Variants in SPECC1 observed in about 807,000 individuals in gnomAD.
SPECC1 encodes the protein sperm antigen with calponin homology and coiled-coil domains 1.
SPECC1 carries 62 observed loss-of-function variants against 104.1 expected under a neutral mutation model. The ratio of observed to expected loss-of-function variants is 0.60; its 90% CI spans 0.49 to 0.74. The LOEUF (loss-of-function observed/expected upper bound fraction) is 0.74. Ranked by LOEUF, SPECC1 falls within the 30% of genes least tolerant of loss-of-function variation. The probability of loss-of-function intolerance (pLI) is 0.00; values close to 1 mark genes in which losing one functional copy is unlikely to be tolerated. For missense variants in SPECC1, 1,306 were observed against 1,310.5 expected (o/e 1.00, Z 0.05); for synonymous variants, 513 against 501.6 (o/e 1.02, Z -0.30).
At chr17:20,024,281 T>A (rs967958583) in intron 1 of SPECC1, among the ~76,000 whole-genome samples, 1 of 152,244 alleles carries the variant, frequency 6.6e-6, no homozygotes, top group Non-Finnish European at 1.5e-5. Context: ...ACTTTTTAAT[T>A]TCTCTGGCAA....
At chr17:20,057,365 C>T (rs1468413152) in intron 1 of SPECC1, among the ~76,000 whole-genome samples, 1 of 151,988 alleles carries the variant, frequency 6.6e-6, no homozygotes, top group Non-Finnish European at 1.5e-5. Flanking sequence ...GGCGTGAACC[C>T]GGGAGGCAGA....
chr17:20,182,691 A>G (rs748144675), intron 3 of SPECC1, among the ~76,000 whole-genome samples: 2 of 152,238 alleles, frequency 1.3e-5, no homozygotes, highest in Non-Finnish European at 2.9e-5. Context: ...AACATTTTCA[A>G]TGACAGCGTA....
chr17:20,125,768 A>G (rs927810978), intron 3 of SPECC1, among the ~76,000 whole-genome samples: 15 of 152,230 alleles, frequency 9.9e-5, no homozygotes, highest in Admixed American at 8.5e-4. Flanking sequence ...TATCCATCAT[A>G]CATGGATGGA....
At chr17:20,118,028 C>T (rs1209775701) in intron 3 of SPECC1, among the ~76,000 whole-genome samples, 1 of 151,980 alleles carries the variant, frequency 6.6e-6, no homozygotes, top group South Asian at 2.1e-4. Flanking sequence ...TCACTTGAAC[C>T]TGGGAAGTGA....
At position 20,315,550 on chromosome 17, in the gene SPECC1, C is replaced by T. The variant is rs1339999569; in HGVS notation, c.*1485C>T. 2 of 232,866 alleles carry T rather than the reference C, an allele frequency of 8.6e-6. No homozygotes were observed. The highest frequency in any genetic ancestry group is 1.1e-4 in the Admixed American group (2 of 17,762). The allele number at this position is 232,866 out of a possible 1,614,324, so 14.4% of individuals were successfully genotyped here. On this transcript the variant is annotated 3_prime_UTR_variant, in exon 15 of 15. Coordinates refer to ENST00000395527, the MANE Select transcript of SPECC1 (RefSeq NM_001243439.2). Reference sequence around the variant, plus strand: ...GCCAAATAGCGTGTTAGCGCCCCTCCAACAAAGGATCATCCTTCCAGTGAG... The same window carrying T: ...GCCAAATAGCGTGTTAGCGCCCCTCTAACAAAGGATCATCCTTCCAGTGAG...
intron 7 of SPECC1, chr17:20,238,097 G>A (rs779246214): frequency 1.1e-4 from 118 of 1,026,988 alleles, no homozygotes; most frequent in Non-Finnish European, 1.4e-4. Context: ...TCATTACCTC[G>A]TCTGAAACAA....
At chr17:20,141,039 G>A (rs893723223) in intron 3 of SPECC1, among the ~76,000 whole-genome samples, 3 of 152,152 alleles carry the variant, frequency 2.0e-5, no homozygotes, top group African/African-American at 7.2e-5. Context: ...GGCTGTGCAT[G>A]TCCAAGCCAA....
chr17:20,161,143 G>A (rs1282154323), intron 3 of SPECC1, among the ~76,000 whole-genome samples: 2 of 152,194 alleles, frequency 1.3e-5, no homozygotes, highest in East Asian at 1.9e-4. Flanking sequence ...CCCGGGAGGC[G>A]GAGGTTGCAG....
intron 3 of SPECC1, chr17:20,155,858 A>C (rs1318927290): frequency 3.0e-6 from 3 of 1,005,616 alleles, no homozygotes; most frequent in Non-Finnish European, 3.7e-6. Context: ...TCTGGCAGCC[A>C]AGAAGGAAAT....
At chr17:20,267,959 C>T (rs1056413975) in intron 12 of SPECC1, among the ~76,000 whole-genome samples, 6 of 152,154 alleles carry the variant, frequency 3.9e-5, no homozygotes, top group Admixed American at 6.5e-5. Flanking sequence ...TAAGTCTCTC[C>T]TGAGTCCTCT....
chr17:20,055,618 T>A (rs2045932924), intron 1 of SPECC1, among the ~76,000 whole-genome samples: 1 of 152,112 alleles, frequency 6.6e-6, no homozygotes, highest in African/African-American at 2.4e-5. Flanking sequence ...ATTAGCAGAG[T>A]CAGAATATAA....
chr17:20,046,032 A>G (rs1459140519), intron 1 of SPECC1, among the ~76,000 whole-genome samples: 1 of 150,944 alleles, frequency 6.6e-6, no homozygotes, highest in Non-Finnish European at 1.5e-5. Context: ...AAAAACCATT[A>G]GCATAGTAAT....
At position 20,204,318 on chromosome 17, in the gene SPECC1, T is replaced by C; in HGVS notation, c.284-15T>C. On this transcript the variant is annotated splice_polypyrimidine_tract_variant and intron_variant, in intron 3 of 14. Coordinates refer to ENST00000395527, the MANE Select transcript of SPECC1 (RefSeq NM_001243439.2). Reference sequence around the variant, plus strand: ...TTGCTTTATTTTTTCATTTTTTTCTTCTTCTGTCTTTAAGGGGCCTTTACA... The same window carrying C: ...TTGCTTTATTTTTTCATTTTTTTCTCCTTCTGTCTTTAAGGGGCCTTTACA... 1 of 1,582,950 alleles carries C rather than the reference T, an allele frequency of 6.3e-7. No homozygotes were observed. The highest frequency in any genetic ancestry group is 1.9e-5 in the Admixed American group (1 of 51,590).
In SPECC1 at chr17:20,222,016, G is replaced by GTT. The variant is rs34220423; in HGVS notation, c.1864-5381_1864-5380dup. Among the ~76,000 whole-genome samples, 1,085 of 140,438 alleles carry GTT rather than the reference G, an allele frequency of 7.7e-3. 5 individuals carry two copies. The highest frequency in any genetic ancestry group is 0.018 in the African/African-American group (688 of 38,186). The allele number at this position is 140,438 out of a possible 152,430, so 92.1% of individuals were successfully genotyped here. A position where few individuals can be genotyped will look rare whatever the true frequency, so the allele number is the denominator to read the frequency against. ...AGAGAAGATACCTGATATGATTTCAGTTTTTTTTTTTTTTTTTAAGTTTTA... is the reference window on the plus strand; with the variant it reads ...AGAGAAGATACCTGATATGATTTCAGTTTTTTTTTTTTTTTTTTTAAGTTTTA... On this transcript the variant is annotated intron_variant, in intron 4 of 14. Transcript: ENST00000395527.
chr17:20,137,922 C>T (rs992994510), intron 3 of SPECC1, among the ~76,000 whole-genome samples: 1 of 152,014 alleles, frequency 6.6e-6, no homozygotes, highest in Non-Finnish European at 1.5e-5. Context: ...CCTTCCACCT[C>T]CCAAAGTACT....
At chr17:20,095,065 G>T (rs180751589) in intron 1 of SPECC1, among the ~76,000 whole-genome samples, 1 of 152,114 alleles carries the variant, frequency 6.6e-6, no homozygotes, top group African/African-American at 2.4e-5. Context: ...GAGTCACTCC[G>T]GCTCTGTTCA....
chr17:20,044,998 A>G (rs2045482353), intron 1 of SPECC1, among the ~76,000 whole-genome samples: 1 of 152,272 alleles, frequency 6.6e-6, no homozygotes, highest in African/African-American at 2.4e-5. Flanking sequence ...CATGAAGTTT[A>G]AAGAAATGCT....
chr17:20,037,171 A>G (rs1000877537), intron 1 of SPECC1, among the ~76,000 whole-genome samples: 1 of 152,170 alleles, frequency 6.6e-6, no homozygotes, highest in Admixed American at 6.5e-5. Flanking sequence ...ATCATGGTGT[A>G]TAATTATTTT....
intron 3 of SPECC1, among the ~76,000 whole-genome samples, chr17:20,196,549 A>G (rs2036046964): frequency 6.6e-6 from 1 of 152,226 alleles, no homozygotes. Context: ...TTTTCTTTCA[A>G]AAATCCTTTC....
Sources: gnomAD v4.1 joint callset for allele counts (sites outside exome capture counted in the v4.1 genomes callset) on GRCh38, gnomAD v4.1.1 for gene constraint, MANE v1.5 for transcripts, NCBI Gene and HGNC (gene_info 2026-07-23, HGNC 2026-07-21) for gene names.